ZFAT: variants seen among roughly 807,000 people sequenced by gnomAD.
ZFAT encodes the protein zinc finger protein ZFAT.
A neutral mutation model predicts 117.7 loss-of-function variants in ZFAT; 64 were observed. The ratio of observed to expected loss-of-function variants is 0.54; its 90% CI spans 0.44 to 0.67. ZFAT has a LOEUF of 0.67. Ranked by LOEUF, ZFAT falls within the 30% of genes least tolerant of loss-of-function variation. The pLI is 0.00. For missense variants in ZFAT, 1,433 were observed against 1,584.5 expected (o/e 0.90, Z 1.62); for synonymous variants, 679 against 615.0 (o/e 1.10, Z -1.54).
At chr8:134,634,787 C>T (rs1306837535) in intron 3 of ZFAT, among the ~76,000 whole-genome samples, 1 of 152,158 alleles carries the variant, frequency 6.6e-6, no homozygotes, top group African/African-American at 2.4e-5. Flanking sequence ...GGGAGAAAGA[C>T]TCTGTACTCT....
intron 1 of ZFAT, among the ~76,000 whole-genome samples, chr8:134,698,786 C>T (rs1335017203): frequency 2.0e-5 from 3 of 152,146 alleles, no homozygotes; most frequent in African/African-American, 7.2e-5. Context: ...AAGCAGTCAC[C>T]AAATCCCATC....
intron 10 of ZFAT, among the ~76,000 whole-genome samples, chr8:134,579,707 T>A (rs1825585265): frequency 6.6e-6 from 1 of 151,920 alleles, no homozygotes; most frequent in Non-Finnish European, 1.5e-5. Flanking sequence ...CCCCAGCACT[T>A]TGGGAGGCCA....
chr8:134,744,634 A>G, the ZFAT span, among the ~76,000 whole-genome samples: 4 of 151,596 alleles, frequency 2.6e-5, no homozygotes, highest in South Asian at 4.2e-4. Context: ...CTTTCTACAC[A>G]GGCCCCCTCA....
rs774559104 is a variant in ZFAT, at chr8:134,590,323, T to C, written c.2508A>G (p.Glu836=). The C allele has an allele frequency of 3.7e-6, 6 of 1,613,336 alleles. No individual in the cohort carries two copies. Among genetic ancestry groups the C allele is most frequent in the South Asian group, 3.3e-5 (3 of 91,060 alleles). ...TCAATCGATCCTCTGAAAAAGACTT[T>C]TCACAAACAGGACAAGAATAACTCC... ...DKRSYSCPVC[E]KSFSEDRLIK... is the part of the protein sequence containing the mutation. The change falls in exon 8 of 16, where the codon GAA becomes GAG. Residue 836 remains glutamate, a synonymous_variant. Coordinates refer to ENST00000377838, the MANE Select transcript of ZFAT (RefSeq NM_020863.4).
intron 11 of ZFAT, among the ~76,000 whole-genome samples, chr8:134,539,680 A>G (rs1822106567): frequency 6.6e-6 from 1 of 152,232 alleles, no homozygotes; most frequent in Non-Finnish European, 1.5e-5. Context: ...TGTAATGGTT[A>G]TGACCTACAT....
intron 15 of ZFAT, among the ~76,000 whole-genome samples, chr8:134,487,835 G>A (rs367959521): frequency 1.3e-5 from 2 of 152,346 alleles, no homozygotes; most frequent in East Asian, 1.9e-4. Context: ...ACTTCATGCC[G>A]CTCTGAGGAG....
the ZFAT span, among the ~76,000 whole-genome samples, chr8:134,753,027 C>T: frequency 6.6e-6 from 1 of 152,066 alleles, no homozygotes; most frequent in Non-Finnish European, 1.5e-5. Flanking sequence ...CAGTAGAGCA[C>T]CTATGGTATC....
chr8:134,656,604 T>A (rs964597573), intron 2 of ZFAT, among the ~76,000 whole-genome samples: 2 of 152,172 alleles, frequency 1.3e-5, no homozygotes, highest in East Asian at 3.8e-4. Flanking sequence ...TTGTCTGGAA[T>A]CTCTCCTTGT....
intron 3 of ZFAT, among the ~76,000 whole-genome samples, chr8:134,625,946 A>G (rs757347436): frequency 6.6e-5 from 10 of 152,202 alleles, no homozygotes; most frequent in Non-Finnish European, 1.0e-4. Flanking sequence ...CACTTCAGAG[A>G]GCAACTGTAG....
At chr8:134,766,047 G>A in the ZFAT span, 1 of 152,214 alleles carries the variant, frequency 6.6e-6, no homozygotes, top group African/African-American at 2.4e-5. Context: ...CTTTGTGTTT[G>A]TATAGAAGTT....
chr8:134,654,601 C>T (rs891887950), intron 2 of ZFAT, among the ~76,000 whole-genome samples: 2 of 152,206 alleles, frequency 1.3e-5, no homozygotes, highest in Admixed American at 6.5e-5. Flanking sequence ...GTCTTATACT[C>T]GTCAGAAGGA....
At chr8:134,534,775 AAGAG>A (rs36097833) in intron 11 of ZFAT, among the ~76,000 whole-genome samples, 25 of 136,434 alleles carry the variant, frequency 1.8e-4, no homozygotes, top group South Asian at 7.3e-4. Flanking sequence ...GAGAGGGAGA[AAGAG>A]AGAGAGAGAG....
rs1406449891 is a variant in ZFAT at position 134,532,823 on chromosome 8, CCCT to C, written c.3115+8_3115+10del. 12 of 1,608,978 alleles carry C rather than the reference CCCT, an allele frequency of 7.5e-6. No individual in the cohort carries two copies. Among genetic ancestry groups the C allele is most frequent in the African/African-American group, 2.7e-5 (2 of 74,992 alleles). On this transcript the variant is annotated splice_region_variant and intron_variant, in intron 12 of 15. Coordinates refer to ENST00000377838, the MANE Select transcript of ZFAT (RefSeq NM_020863.4). ...GCGGGCAGGGCCCCAGCTCGCTGGCCCCTCGCCTACCTTGCTGGATGAGCACCT... is the reference window on the plus strand; with the variant it reads ...GCGGGCAGGGCCCCAGCTCGCTGGCCCGCCTACCTTGCTGGATGAGCACCT...
chr8:134,482,280 A>T (rs896748436), intron 15 of ZFAT, among the ~76,000 whole-genome samples: 8 of 152,192 alleles, frequency 5.3e-5, no homozygotes, highest in African/African-American at 1.9e-4. Context: ...ATGTCTGTCA[A>T]ACAGTGCATG....
intron 1 of ZFAT, among the ~76,000 whole-genome samples, chr8:134,692,767 A>G (rs1833645230): frequency 1.3e-5 from 2 of 152,234 alleles, no homozygotes; most frequent in Admixed American, 1.3e-4. Flanking sequence ...GCTAAAGAGA[A>G]GAAGAGCTCT....
chr8:134,563,848 G>A (rs1381455073), intron 11 of ZFAT, among the ~76,000 whole-genome samples: 3 of 152,168 alleles, frequency 2.0e-5, no homozygotes, highest in Non-Finnish European at 4.4e-5. Flanking sequence ...CCAAAAATCA[G>A]GGTGCCTTGA....
chr8:134,615,176 G>A (rs549805567), intron 3 of ZFAT, among the ~76,000 whole-genome samples: 4 of 152,180 alleles, frequency 2.6e-5, no homozygotes, highest in East Asian at 1.9e-4. Context: ...CTCTGGCAGC[G>A]GCTAAGGTGG....
chr8:134,783,144 T>C, the ZFAT span, among the ~76,000 whole-genome samples: 64 of 152,330 alleles, frequency 4.2e-4, no homozygotes, highest in African/African-American at 1.5e-3. Context: ...AGTTAAAAGT[T>C]TGAGATTTCA....
chr8:134,782,675 T>C, the ZFAT span, among the ~76,000 whole-genome samples: 3 of 152,260 alleles, frequency 2.0e-5, no homozygotes, highest in South Asian at 6.2e-4. Flanking sequence ...AAACCCCCTT[T>C]GCTTGATTTT....
Sources: gnomAD v4.1 joint callset for allele counts (sites outside exome capture counted in the v4.1 genomes callset) on GRCh38, gnomAD v4.1.1 for gene constraint, MANE v1.5 for transcripts, NCBI Gene and HGNC (gene_info 2026-07-23, HGNC 2026-07-21) for gene names.